Variants in AGO3 observed in about 807,000 individuals in gnomAD.
AGO3 encodes argonaute RISC catalytic component 3.
Under a neutral mutation model 105.5 loss-of-function variants are expected in AGO3, and 16 were observed. That is an observed-to-expected ratio of 0.15 (90% CI 0.10 to 0.23). The LOEUF (loss-of-function observed/expected upper bound fraction) is 0.23. Among genes scored for constraint, AGO3 ranks in the 10% least tolerant of loss-of-function variants. The pLI is 1.00. For synonymous variants in AGO3, 340 were observed against 367.3 expected (o/e 0.93, Z 0.85); for missense variants, 534 against 1,088.0 (o/e 0.49, Z 7.16).
chr1:35,930,928 A>C, upstream of AGO3: 2 of 275,140 alleles, frequency 7.3e-6, no homozygotes, highest in African/African-American at 2.2e-5. Context: ...CCGGCGGGGT[A>C]CGGCCGAGCC....
chr1:35,956,967 A>G (rs1013837681), intron 2 of AGO3, among the ~76,000 whole-genome samples: 39 of 152,036 alleles, frequency 2.6e-4, no homozygotes. Context: ...CATGATTTTC[A>G]AGGAACAAAG....
intron 11 of AGO3, 30 bp downstream of exon 11, chr1:36,014,078 A>G: frequency 6.2e-7 from 1 of 1,613,330 alleles, no homozygotes; most frequent in Non-Finnish European, 8.5e-7. Context: ...TGGCTTTGGG[A>G]CTTTTTTGTG....
chr1:35,992,294 A>C (rs1480571149), intron 5 of AGO3: 1 of 152,188 alleles, frequency 6.6e-6, no homozygotes, highest in African/African-American at 2.4e-5. Flanking sequence ...TCTTCCAGTT[A>C]GTATGCCTGC....
At chr1:35,995,209 A>AAAAAAAAAATATAT (rs1237315557) in intron 5 of AGO3, among the ~76,000 whole-genome samples, 1 of 114,790 alleles carries the variant, frequency 8.7e-6, no homozygotes, top group African/African-American at 3.8e-5. Flanking sequence ...TAAAAAAAAA[A>AAAAAAAAAATATAT]ATATATATAT....
At chr1:35,934,202 A>C (rs1188241998) in intron 1 of AGO3, among the ~76,000 whole-genome samples, 1 of 152,182 alleles carries the variant, frequency 6.6e-6, no homozygotes, top group Non-Finnish European at 1.5e-5. Flanking sequence ...ACTTCTCCTG[A>C]GTACTCATTT....
Position 35,931,555 on chromosome 1 carries a change from A to G in AGO3, c.19+110A>G, listed in dbSNP as rs1340974287. 2.4e-5 allele frequency: 28 copies of G among 1,168,462 alleles called. No homozygotes were observed. In the Admixed American group the frequency reaches 1.1e-3, roughly 47 times the overall value. 72.4% of individuals were successfully genotyped at this position (1,168,462 alleles called of 1,614,324 possible). On this transcript the variant is annotated intron_variant, in intron 1 of 18. Transcript: ENST00000373191. Reference sequence around the variant, plus strand: ...TGCGCGAGGTGAGCGTCGGGCGGGCATCGCTCGGTCTCCCGCCCCTCGCCC... The same window carrying G: ...TGCGCGAGGTGAGCGTCGGGCGGGCGTCGCTCGGTCTCCCGCCCCTCGCCC...
intron 2 of AGO3, among the ~76,000 whole-genome samples, chr1:35,960,041 A>T (rs1274683113): frequency 6.6e-6 from 1 of 152,112 alleles, no homozygotes; most frequent in Non-Finnish European, 1.5e-5. Flanking sequence ...ACAGAATGGG[A>T]CTAAAAACTC....
chr1:35,952,932 T>C (rs181950984), intron 2 of AGO3, among the ~76,000 whole-genome samples: 125 of 152,374 alleles, frequency 8.2e-4, no homozygotes, highest in Admixed American at 9.8e-4. Context: ...TGTATGGATA[T>C]AATACATTTT....
At chr1:35,993,832 C>T (rs1480450024) in intron 5 of AGO3, among the ~76,000 whole-genome samples, 1 of 146,438 alleles carries the variant, frequency 6.8e-6, no homozygotes, top group Non-Finnish European at 1.5e-5. Flanking sequence ...ACTGCAACCT[C>T]CACCTCTCAG....
At chr1:35,932,700 C>G (rs775422206) in intron 1 of AGO3, among the ~76,000 whole-genome samples, 5 of 151,882 alleles carry the variant, frequency 3.3e-5, no homozygotes, top group Non-Finnish European at 5.9e-5. Context: ...GATTTCGACT[C>G]TTATTCAGTT....
rs1308129866 is a variant in AGO3 at position 36,035,414 on chromosome 1, T to C, written c.1752-763T>C. Among the ~76,000 whole-genome samples, 3 of 151,988 alleles carry C rather than the reference T, an allele frequency of 2.0e-5. No individual in the cohort carries two copies. In the East Asian group the frequency reaches 5.8e-4, roughly 30 times the overall value. On this transcript the variant is annotated intron_variant, in intron 13 of 18. Coordinates refer to ENST00000373191, the MANE Select transcript of AGO3 (RefSeq NM_024852.4). ...AGACCCTGTCTCAAAAAAACAATAA[T>C]AACATAAAGTAAAATAAAAGGAAGT...
At chr1:35,949,737 TAA>T (rs1450939124) in intron 2 of AGO3, among the ~76,000 whole-genome samples, 2 of 152,164 alleles carry the variant, frequency 1.3e-5, no homozygotes, top group East Asian at 3.9e-4. Flanking sequence ...TCCTTCCACT[TAA>T]GCCTCCTGAG....
intron 14 of AGO3, among the ~76,000 whole-genome samples, chr1:36,038,984 ATTGGTCCTTGTTTT>A (rs1456707741): frequency 6.6e-5 from 10 of 152,170 alleles, no homozygotes; most frequent in Non-Finnish European, 1.2e-4. Context: ...AGTGGTTTGA[ATTGGTCCTTGTTTT>A]TTCTTATTTC....
chr1:36,050,838 G>GT (rs1157992860), intron 17 of AGO3, among the ~76,000 whole-genome samples: 5 of 144,832 alleles, frequency 3.5e-5, no homozygotes, highest in African/African-American at 8.2e-5. Flanking sequence ...CTTTCGTTTT[G>GT]TTTTGTTTTG....
chr1:35,977,668 C>T (rs1445849148), intron 5 of AGO3, among the ~76,000 whole-genome samples: 1 of 152,178 alleles, frequency 6.6e-6, no homozygotes, highest in Non-Finnish European at 1.5e-5. Flanking sequence ...GCTGGGATTA[C>T]AGGCATGTGC....
intron 5 of AGO3, among the ~76,000 whole-genome samples, chr1:36,003,172 T>A (rs1640173010): frequency 6.6e-6 from 1 of 151,072 alleles, no homozygotes; most frequent in Non-Finnish European, 1.5e-5. Context: ...AAAAATGACA[T>A]GATAACATGC....
chr1:35,967,194 T>A, intron 3 of AGO3, 119 bp downstream of exon 3: 1 of 1,310,412 alleles, frequency 7.6e-7, no homozygotes, highest in South Asian at 1.9e-5. Flanking sequence ...TGATTGTTTT[T>A]AACTTTTTGT....
rs1280135268 is a variant in AGO3 at position 36,071,302 on chromosome 1, CAT to C, written c.*15558_*15559del. 1 of 152,086 alleles carries C rather than the reference CAT, an allele frequency of 6.6e-6. No homozygotes were observed. Among genetic ancestry groups the C allele is most frequent in the Non-Finnish European group, 1.5e-5 (1 of 68,018 alleles). 9.4% of individuals were successfully genotyped at this position (152,086 alleles called of 1,614,324 possible). A position where few individuals can be genotyped will look rare whatever the true frequency, so the allele number is the denominator to read the frequency against. ...TGAAGAGTAAAATGTAAATACAGGA[CAT>C]GTGGGGAGGGTGGGGCCGCCTGCAA... On this transcript the variant is annotated 3_prime_UTR_variant, in exon 19 of 19. Coordinates refer to ENST00000373191, the MANE Select transcript of AGO3 (RefSeq NM_024852.4).
intron 5 of AGO3, among the ~76,000 whole-genome samples, chr1:35,991,327 C>G (rs1434945724): frequency 6.6e-6 from 1 of 151,932 alleles, no homozygotes; most frequent in Non-Finnish European, 1.5e-5. Flanking sequence ...GCAGGAATCT[C>G]AGTGACAGTC....
Sources: gnomAD v4.1 joint callset for allele counts (sites outside exome capture counted in the v4.1 genomes callset) on GRCh38, gnomAD v4.1.1 for gene constraint, MANE v1.5 for transcripts, NCBI Gene and HGNC (gene_info 2026-07-23, HGNC 2026-07-21) for gene names.